The following PHACTR3 variants were observed in gnomAD, a reference collection of about 807,000 sequenced individuals.
PHACTR3 encodes phosphatase and actin regulator 3.
PHACTR3 carries 16 observed loss-of-function variants against 66.8 expected under a neutral mutation model. The ratio of observed to expected loss-of-function variants is 0.24; its 90% CI spans 0.16 to 0.36. The LOEUF (loss-of-function observed/expected upper bound fraction) is 0.36. Ranked by LOEUF, PHACTR3 falls within the 10% of genes least tolerant of loss-of-function variation. The pLI is 1.00. For synonymous variants in PHACTR3, 323 were observed against 292.1 expected, an observed-to-expected ratio of 1.11 and a Z score of -1.08; for missense variants, 647 against 719.9, an observed-to-expected ratio of 0.90 and a Z score of 1.16.
intron 1 of PHACTR3, among the ~76,000 whole-genome samples, chr20:59,644,815 A>G (rs896078420): frequency 4.2e-5 from 6 of 144,178 alleles, no homozygotes; most frequent in Non-Finnish European, 7.6e-5. Flanking sequence ...CCTCATCGCT[A>G]CTCATTTGTT....
chr20:59,664,184 C>T (rs1426403078), intron 1 of PHACTR3, among the ~76,000 whole-genome samples: 1 of 152,124 alleles, frequency 6.6e-6, no homozygotes, highest in African/African-American at 2.4e-5. Context: ...TAGGCTTCCC[C>T]ACAGGAAGGA....
At chr20:59,584,193 C>T (rs567071076) in intron 1 of PHACTR3, among the ~76,000 whole-genome samples, 10 of 152,178 alleles carry the variant, frequency 6.6e-5, no homozygotes, top group South Asian at 2.1e-4. Flanking sequence ...TGTGTGTGAA[C>T]GTGCATGAGA....
At chr20:59,586,617 A>G (rs753348984) in intron 1 of PHACTR3, among the ~76,000 whole-genome samples, 4 of 152,018 alleles carry the variant, frequency 2.6e-5, no homozygotes, top group Non-Finnish European at 5.9e-5. Context: ...TCTGACCTAG[A>G]GTATTGTGGT....
chr20:59,674,865 T>C, intron 1 of PHACTR3, among the ~76,000 whole-genome samples: 1 of 93,992 alleles, frequency 1.1e-5, no homozygotes, highest in African/African-American at 5.2e-5. Context: ...CTGTTGCCCC[T>C]TCTCCTGTCC....
At chr20:59,683,204 CT>C (rs1264993021) in intron 1 of PHACTR3, among the ~76,000 whole-genome samples, 3 of 152,168 alleles carry the variant, frequency 2.0e-5, no homozygotes, top group African/African-American at 4.8e-5. Flanking sequence ...TGGTCCTGGC[CT>C]ATGAGGGGAA....
chr20:59,744,721 G>A (rs2039304695), intron 2 of PHACTR3, among the ~76,000 whole-genome samples: 1 of 152,194 alleles, frequency 6.6e-6, no homozygotes, highest in Admixed American at 6.5e-5. Context: ...AATTCTTGTT[G>A]AAGTGGAAAC....
At chr20:59,647,989 T>C (rs1405918299) in intron 1 of PHACTR3, among the ~76,000 whole-genome samples, 1 of 152,242 alleles carries the variant, frequency 6.6e-6, no homozygotes, top group African/African-American at 2.4e-5. Context: ...GGATAGATGT[T>C]ATAGGCTAGG....
intron 1 of PHACTR3, among the ~76,000 whole-genome samples, chr20:59,635,996 G>A (rs1172932299): frequency 6.6e-6 from 1 of 152,192 alleles, no homozygotes. Flanking sequence ...TTTGATCAAT[G>A]TATGTTTCTA....
At chr20:59,580,253 G>A (rs950869962) in intron 1 of PHACTR3, among the ~76,000 whole-genome samples, 1 of 152,126 alleles carries the variant, frequency 6.6e-6, no homozygotes, top group Non-Finnish European at 1.5e-5. Flanking sequence ...GGCACCCAAG[G>A]AAGAACCAGG....
rs1001674680 is a variant in PHACTR3 at position 59,670,735 on chromosome 20, G to C, written c.118+65603G>C. Among the ~76,000 whole-genome samples, 6 of 152,118 alleles carry C rather than the reference G, an allele frequency of 3.9e-5. No individual in the cohort carries two copies. The East Asian group carries it at 1.2e-3, about 29-fold the overall frequency. ...GTTTGTTGGACCTGTGACAGCACGTGGTGCTTGTGTTTACAGCCTGCTCCA... is the reference window on the plus strand; with the variant it reads ...GTTTGTTGGACCTGTGACAGCACGTCGTGCTTGTGTTTACAGCCTGCTCCA... On this transcript the variant is annotated intron_variant, in intron 1 of 12. Coordinates refer to ENST00000371015, the MANE Select transcript of PHACTR3 (RefSeq NM_080672.5).
chr20:59,624,177 C>G (rs548172215), intron 1 of PHACTR3, among the ~76,000 whole-genome samples: 22 of 152,150 alleles, frequency 1.4e-4, no homozygotes, highest in African/African-American at 5.1e-4. Context: ...TTTTGGTGCT[C>G]TCATGGGTGT....
intron 1 of PHACTR3, among the ~76,000 whole-genome samples, chr20:59,667,773 T>C (rs1346854767): frequency 6.6e-6 from 1 of 152,176 alleles, no homozygotes; most frequent in Admixed American, 6.5e-5. Flanking sequence ...CTGCTTCCTT[T>C]CTCTTGTGCT....
intron 8 of PHACTR3, among the ~76,000 whole-genome samples, chr20:59,831,648 C>T (rs2042384447): frequency 6.6e-6 from 1 of 152,138 alleles, no homozygotes; most frequent in Admixed American, 6.5e-5. Flanking sequence ...CTCTGCAGGG[C>T]CTTCTGCAGC....
chr20:59,842,809 G>C (rs147087049), intron 11 of PHACTR3, among the ~76,000 whole-genome samples: 1 of 152,204 alleles, frequency 6.6e-6, no homozygotes, highest in Non-Finnish European at 1.5e-5. Flanking sequence ...ACGGAGTTTG[G>C]GGAAGGGTTG....
chr20:59,593,868 T>C (rs113328294), intron 1 of PHACTR3, among the ~76,000 whole-genome samples: 7 of 152,340 alleles, frequency 4.6e-5, no homozygotes, highest in African/African-American at 1.4e-4. Context: ...TATTTGGCTG[T>C]TTTTCTGCCA....
chr20:59,679,802 A>C lies in PHACTR3; in HGVS notation c.119-63305A>C, dbSNP rs2036578873. On this transcript the variant is annotated intron_variant, in intron 1 of 12. Coordinates refer to ENST00000371015, the MANE Select transcript of PHACTR3 (RefSeq NM_080672.5). ...CCTTATAAAACCGTCAGATCTCATG[A>C]GACTTATTCACTACCACAAGAACAG... Among the ~76,000 whole-genome samples the C allele has an allele frequency of 5.9e-5, 9 of 152,164 alleles. No homozygotes were observed. In the South Asian group the frequency reaches 1.9e-3, roughly 32 times the overall value.
At chr20:59,813,077 G>A (rs1480238104) in intron 8 of PHACTR3, among the ~76,000 whole-genome samples, 1 of 152,204 alleles carries the variant, frequency 6.6e-6, no homozygotes, top group Non-Finnish European at 1.5e-5. Flanking sequence ...GTGAATGTTT[G>A]TGTTAATGAG....
chr20:59,693,698 A>G (rs6128664), intron 1 of PHACTR3, among the ~76,000 whole-genome samples: 52,185 of 152,120 alleles, frequency 0.34, 11,577 homozygotes, highest in African/African-American at 0.62. Context: ...TGGTTCTTCC[A>G]ATCTTGGCTG....
intron 9 of PHACTR3, 43 bp from the exon 10 acceptor site, chr20:59,840,326 T>C: frequency 6.3e-7 from 1 of 1,595,958 alleles, no homozygotes; most frequent in Non-Finnish European, 8.5e-7. Flanking sequence ...TTTCAACCTG[T>C]TTCTCTTTGT....
Sources: allele counts gnomAD v4.1 joint callset (sites outside exome capture counted in the v4.1 genomes callset), GRCh38; gene constraint gnomAD v4.1.1; transcripts MANE v1.5; gene names NCBI Gene and HGNC (gene_info 2026-07-23, HGNC 2026-07-21).